VCAN: variants seen among roughly 807,000 people sequenced by gnomAD.
VCAN encodes the protein versican core protein.
A neutral mutation model predicts 245.5 loss-of-function variants in VCAN; 44 were observed. The observed-to-expected ratio is 0.18, with a 90% CI of 0.14 to 0.23. VCAN has a LOEUF of 0.23. Ranked by LOEUF, VCAN falls within the 10% of genes least tolerant of loss-of-function variation. The probability of loss-of-function intolerance (pLI) is 1.00; values close to 1 mark genes in which losing one functional copy is unlikely to be tolerated. For synonymous variants in VCAN, 1,413 were observed against 1,437.0 expected (o/e 0.98, Z 0.38); for missense variants, 3,793 against 4,057.9 (o/e 0.93, Z 1.77).
intron 13 of VCAN, 122 bp from the exon 14 acceptor site, chr5:83,579,857 TA>T: frequency 9.4e-7 from 1 of 1,063,952 alleles, no homozygotes; most frequent in Non-Finnish European, 1.4e-6. Context: ...TTCTTAATTC[TA>T]AAAGATTGCC....
intron 1 of VCAN, among the ~76,000 whole-genome samples, chr5:83,479,358 C>G (rs1236925612): frequency 6.6e-6 from 1 of 152,060 alleles, no homozygotes; most frequent in African/African-American, 2.4e-5. Context: ...CGGAGGCTGC[C>G]CATCCCTGGT....
At chr5:83,570,228 A>G (rs1448727823) in intron 12 of VCAN, among the ~76,000 whole-genome samples, 2 of 151,978 alleles carry the variant, frequency 1.3e-5, no homozygotes, top group Non-Finnish European at 2.9e-5. Flanking sequence ...CTTCTGGATT[A>G]GGTTTTTCCC....
intron 2 of VCAN, 123 bp from the exon 3 acceptor site, chr5:83,489,975 A>T (rs1230294312): frequency 2.1e-6 from 2 of 964,228 alleles, no homozygotes; most frequent in African/African-American, 1.6e-5. Flanking sequence ...AAGTCATTCT[A>T]ATTATGTCAC....
At position 83,521,354 on chromosome 5, in the gene VCAN, T is replaced by G. The variant is rs765701496; in HGVS notation, c.3048T>G (p.Ile1016Met). The G allele has an allele frequency of 6.2e-7, 1 of 1,613,966 alleles. No homozygotes were observed. The highest frequency in any genetic ancestry group is 1.3e-5 in the African/African-American group (1 of 74,932). The change falls in exon 7 of 15, where the codon ATT becomes ATG. Residue 1016 changes from isoleucine to methionine, a missense_variant. Coordinates refer to ENST00000265077, the MANE Select transcript of VCAN (RefSeq NM_004385.5). ...ATCAGACTCGCCTTGAAGCGACTAT[T>G]TCTCCAGAAACTATGAGAACAACAA... is the stretch of plus-strand genomic sequence containing the variant. Reference protein sequence around the residue: ...VIDQTRLEATISPETMRTTKI... With the variant: ...VIDQTRLEATMSPETMRTTKI...
intron 1 of VCAN, among the ~76,000 whole-genome samples, chr5:83,472,761 A>C (rs995853994): frequency 6.6e-6 from 1 of 152,108 alleles, no homozygotes; most frequent in East Asian, 1.9e-4. Context: ...AGGGGCCAGC[A>C]GGGAAGGAGC....
At chr5:83,550,039 A>T (rs992000953) in intron 10 of VCAN, among the ~76,000 whole-genome samples, 1 of 152,214 alleles carries the variant, frequency 6.6e-6, no homozygotes, top group Non-Finnish European at 1.5e-5. Context: ...TGGTGCAATA[A>T]TTACAGATAC....
intron 13 of VCAN, among the ~76,000 whole-genome samples, chr5:83,572,855 TTTTATTTTTA>T (rs1336355260): frequency 1.5e-5 from 2 of 136,580 alleles, no homozygotes; most frequent in Non-Finnish European, 3.1e-5. Context: ...CAATAGACCT[TTTTATTTTTA>T]TTTATTTATT....
At chr5:83,484,792 T>C (rs1023341643) in intron 2 of VCAN, among the ~76,000 whole-genome samples, 2 of 152,154 alleles carry the variant, frequency 1.3e-5, no homozygotes, top group African/African-American at 2.4e-5. Context: ...AGTGACATCA[T>C]AGAGAGTGGC....
intron 6 of VCAN, among the ~76,000 whole-genome samples, chr5:83,513,361 C>T (rs774011044): frequency 1.2e-4 from 19 of 152,140 alleles, no homozygotes; most frequent in Non-Finnish European, 2.8e-4. Context: ...GTCTCTAAAA[C>T]GAGTACAAAA....
At chr5:83,561,130 G>A (rs1047859458) in intron 12 of VCAN, among the ~76,000 whole-genome samples, 1 of 151,982 alleles carries the variant, frequency 6.6e-6, no homozygotes, top group African/African-American at 2.4e-5. Context: ...TACATTGTCA[G>A]GACTCAAATG....
chr5:83,540,003 G>C lies in VCAN; in HGVS notation c.7000G>C (p.Glu2334Gln). ...GTCAGTAACCAGCACAACATTAATA[G>C]AAATTTTAAGTGACACTGGAGCAGA... ...SGSVTSTTLI[E>Q]ILSDTGAEGP... The change falls in exon 8 of 15, where the codon GAA (glutamate) becomes CAA (glutamine). Residue 2334 changes from glutamate (E) to glutamine (Q), a missense_variant. By Grantham distance (29) the Glu-to-Gln change is conservative. Transcript: ENST00000265077. The C allele has an allele frequency of 1.2e-6, 2 of 1,614,072 alleles. No homozygotes were observed. Among genetic ancestry groups the C allele is most frequent in the Non-Finnish European group, 1.7e-6 (2 of 1,179,992 alleles).
chr5:83,529,998 T>C (rs1434537783), intron 7 of VCAN, among the ~76,000 whole-genome samples: 1 of 152,164 alleles, frequency 6.6e-6, no homozygotes, highest in African/African-American at 2.4e-5. Context: ...AGTATAATTG[T>C]ACTTTAGTGT....
At chr5:83,523,522 T>C (rs987758533) in intron 7 of VCAN, among the ~76,000 whole-genome samples, 2 of 151,956 alleles carry the variant, frequency 1.3e-5, no homozygotes, top group Non-Finnish European at 2.9e-5. Flanking sequence ...GTGCACCTAT[T>C]GGAAACAAAC....
intron 11 of VCAN, among the ~76,000 whole-genome samples, chr5:83,554,503 A>C (rs576490322): frequency 5.8e-4 from 89 of 152,318 alleles, no homozygotes; most frequent in African/African-American, 2.0e-3. Flanking sequence ...TTCACTAATT[A>C]AAATGTTTTG....
Position 83,490,360 on chromosome 5 carries a change from C to CGAT in VCAN, c.335_337dup (p.Asp112dup). 1 of 1,614,160 alleles carries CGAT rather than the reference C, an allele frequency of 6.2e-7. No homozygotes were observed. Among genetic ancestry groups the CGAT allele is most frequent in the South Asian group, 1.1e-5 (1 of 91,084 alleles). ...TGCCCACACATCCCGAGGCTGTGGG[C>CGAT]GATGCCTCCCTCACTGTGGTCAAGC... On this transcript the variant is annotated inframe_insertion, in exon 3 of 15. Transcript: ENST00000265077.
chr5:83,485,022 A>G (rs1442401406), intron 2 of VCAN, among the ~76,000 whole-genome samples: 1 of 152,202 alleles, frequency 6.6e-6, no homozygotes, highest in Non-Finnish European at 1.5e-5. Flanking sequence ...CATCTAAATA[A>G]TAATAACACC....
At chr5:83,534,319 A>G (rs1011062622) in intron 7 of VCAN, 1 of 152,098 alleles carries the variant, frequency 6.6e-6, no homozygotes, top group Non-Finnish European at 1.5e-5. Flanking sequence ...TTGTAAATAT[A>G]CAATATTAAT....
At chr5:83,572,308 A>C (rs999454090) in intron 12 of VCAN, 108 bp from the exon 13 acceptor site, 1 of 1,367,516 alleles carries the variant, frequency 7.3e-7, no homozygotes, top group African/African-American at 1.4e-5. Flanking sequence ...TATATGAAAC[A>C]ACAGAAATTG....
chr5:83,532,707 C>G (rs1746567641), intron 7 of VCAN, among the ~76,000 whole-genome samples: 1 of 151,852 alleles, frequency 6.6e-6, no homozygotes, highest in Admixed American at 6.6e-5. Context: ...GATCAACAAC[C>G]TGTCTAAAAA....
Sources: gnomAD v4.1 joint callset for allele counts (sites outside exome capture counted in the v4.1 genomes callset) on GRCh38, gnomAD v4.1.1 for gene constraint, MANE v1.5 for transcripts, NCBI Gene and HGNC (gene_info 2026-07-23, HGNC 2026-07-21) for gene names.